QRICH2: variants seen among roughly 807,000 people sequenced by gnomAD.
QRICH2 encodes glutamine-rich protein 2.
A neutral mutation model predicts 168.3 loss-of-function variants in QRICH2; 119 were observed. The observed-to-expected ratio is 0.71, with a 90% confidence interval of 0.61 to 0.82. The LOEUF (loss-of-function observed/expected upper bound fraction) is 0.82, where lower values mean the gene tolerates loss of function less well. QRICH2 is among the 40% of genes least tolerant of loss of function. The pLI, the probability that QRICH2 is intolerant of heterozygous loss-of-function variation, is 0.00. For synonymous variants in QRICH2, 894 were observed against 951.2 expected, an observed-to-expected ratio of 0.94 and a Z score of 1.11; for missense variants, 2,241 against 2,491.6, an observed-to-expected ratio of 0.90 and a Z score of 2.14.
At chr17:76,290,994 C>T (rs776485337) in intron 4 of QRICH2, 21 bp downstream of exon 4, 1 of 1,603,654 alleles carries the variant, frequency 6.2e-7, no homozygotes, top group Non-Finnish European at 8.5e-7. Context: ...GGTTTCTCCT[C>T]TATCGGCAAG....
rs2071004075 is a variant in QRICH2 at position 76,307,246 on chromosome 17, TTC to T, written c.534+217_534+218del. On this transcript the variant is annotated intron_variant, in intron 1 of 18. Transcript: ENST00000680821. This position sits in a 1 kb window ranked among gnomAD's most constrained non-coding sequence, Gnocchi z 5.3. ...GGAGGCCCTAGGCCTTTTGGTGGCG[TTC>T]TTTTAGGATTTTCACGTCTTGCAGC... is the stretch of plus-strand genomic sequence containing the variant. 6.6e-6 allele frequency among the ~76,000 whole-genome samples: 1 copy of T among 151,864 alleles called. No homozygotes were observed. Among genetic ancestry groups the T allele is most frequent in the Non-Finnish European group, 1.5e-5 (1 of 67,948 alleles).
At chr17:76,309,224 C>T (rs1218307474), upstream of QRICH2, among the ~76,000 whole-genome samples, 2 of 150,260 alleles carry the variant, frequency 1.3e-5, no homozygotes, top group East Asian at 2.0e-4. Flanking sequence ...GGCATGGTAC[C>T]GCGCATCTGT....
rs750786562 is a variant in QRICH2, at chr17:76,275,906, G to A, written c.5395C>T (p.His1799Tyr). Residue 1799 changes from histidine (H) to tyrosine (Y), a missense_variant, in exon 18 of 19, where the codon CAC (histidine) becomes TAC (tyrosine). Physicochemically the swap from His to Tyr is moderately conservative, Grantham distance 83. This residue lies in a region of QRICH2 where 189 missense variants were observed against 169.3 expected (regional missense o/e 1.12). Coordinates refer to ENST00000680821, the MANE Select transcript of QRICH2 (RefSeq NM_001388453.1). Reference protein sequence around the residue: ...SKRKSQQPRPHVHRPPSLSSN... With the variant: ...SKRKSQQPRPYVHRPPSLSSN... ...CTGAGGGATGGCGGCCTGTGCACGT[G>A]GGGCCTGGGCTGCTGGGACTTGCGC... The A allele has an allele frequency of 1.9e-6, 3 of 1,608,998 alleles. No individual in the cohort carries two copies. The African/African-American group carries it at 4.0e-5, about 21-fold the overall frequency.
rs756971701 is a variant in QRICH2 at position 76,307,489 on chromosome 17, G to A, written c.510C>T (p.Ala170=). ...RVRTGSIMKD[A]AEELSFARVL... ...CCCTGGCAAAGCTGAGCTCCTCGGC[G>A]GCGTCCTTCATGATACTCCCAGTCC... The change falls in exon 1 of 19, where the codon GCC becomes GCT. Residue 170 remains alanine, a synonymous_variant. Coordinates refer to ENST00000680821, the MANE Select transcript of QRICH2 (RefSeq NM_001388453.1). This position sits in a 1 kb window ranked among gnomAD's most constrained non-coding sequence, Gnocchi z 5.3. The A allele has an allele frequency of 3.1e-6, 5 of 1,613,684 alleles. No homozygotes were observed. The highest frequency in any genetic ancestry group is 2.2e-5 in the East Asian group (1 of 44,872).
At chr17:76,282,230 T>G (rs1216440167) in intron 7 of QRICH2, 115 bp from the exon 8 acceptor site, 3 of 1,312,970 alleles carry the variant, frequency 2.3e-6, no homozygotes, top group Non-Finnish European at 3.1e-6. Flanking sequence ...CCCTGGGCAG[T>G]TGCTGCATCC....
At position 76,291,509 on chromosome 17, in the gene QRICH2, G is replaced by A. The variant is rs1402015622; in HGVS notation, c.3218C>T (p.Pro1073Leu). The A allele has an allele frequency of 1.2e-6, 2 of 1,613,904 alleles. No homozygotes were observed. The highest frequency in any genetic ancestry group is 1.3e-5 in the African/African-American group (1 of 74,900). The stretch of plus-strand genomic sequence containing the variant: ...AGGTGATGCCACATGCTGTTGATCT[G>A]GGTGTGTAGATCCCAAACCTGTACT... ...PLSTGLGSTH[P>L]DQQHVASPGP... Residue 1073 changes from proline to leucine, a missense_variant, in exon 4 of 19, where the codon CCA becomes CTA. Transcript: ENST00000680821.
Position 76,278,154 on chromosome 17 carries a change from A to G in QRICH2, c.4952T>C (p.Leu1651Pro), listed in dbSNP as rs754928981. 4 of 1,610,706 alleles carry G rather than the reference A, an allele frequency of 2.5e-6. No homozygotes were observed. In the South Asian group the frequency reaches 4.4e-5, roughly 18 times the overall value. ...CCCCACGCTCTGCTCCATCTGCGCCAGGTCACCCCGAGGGAAGGCGCTGCC... is the reference window on the plus strand; with the variant it reads ...CCCCACGCTCTGCTCCATCTGCGCCGGGTCACCCCGAGGGAAGGCGCTGCC... ...KLGSAFPRGD[L>P]AQMEQSVGRL... The change falls in exon 15 of 19, where the codon CTG (leucine) becomes CCG (proline). Residue 1651 changes from leucine (L) to proline (P), a missense_variant. By Grantham distance (98) the Leu-to-Pro change is moderately conservative. Transcript: ENST00000680821.
chr17:76,294,756 T>C (rs1235596118), intron 3 of QRICH2, among the ~76,000 whole-genome samples: 1 of 147,110 alleles, frequency 6.8e-6, no homozygotes, highest in Non-Finnish European at 1.5e-5. Context: ...GAGGTTGCAG[T>C]GAGCCGAGAT....
chr17:76,277,722 ACACT>A (rs1192165821), intron 15 of QRICH2, among the ~76,000 whole-genome samples: 8 of 151,888 alleles, frequency 5.3e-5, no homozygotes, highest in Admixed American at 1.3e-4. Context: ...TCAAACACCC[ACACT>A]CACGCACTCA....
chr17:76,281,258 A>G lies in QRICH2; in HGVS notation c.4264-305T>C, dbSNP rs36125214. ...GCCCTTTCTGGGTGTCCACCCCCAC[A>G]GGACACAAGCGTCAGTCACCTACAT... is the stretch of plus-strand genomic sequence containing the variant. On this transcript the variant is annotated intron_variant, in intron 8 of 18. Transcript: ENST00000680821. This position sits in a 1 kb window ranked among gnomAD's most constrained non-coding sequence, Gnocchi z 4.4. Among the ~76,000 whole-genome samples the G allele has an allele frequency of 0.053, 8,051 of 152,286 alleles. 284 individuals carry two copies. The highest frequency in any genetic ancestry group is 0.083 in the Non-Finnish European group (5,657 of 67,992).
rs1326180576 is a variant in QRICH2 at position 76,293,571 on chromosome 17, T to G, written c.1156A>C (p.Arg386=). Residue 386 remains arginine (R), a synonymous_variant, in exon 4 of 19, where the codon AGG becomes CGG. Transcript: ENST00000680821. The part of the protein sequence containing the change: ...VPASQSQVHL[R]PDRRGLEPTG... Reference sequence around the variant, plus strand: ...GGTTCTAACCCACGACGATCTGGCCTTAGATGGACCTGACTCTGGCTAGCG... The same window carrying G: ...GGTTCTAACCCACGACGATCTGGCCGTAGATGGACCTGACTCTGGCTAGCG... The G allele has an allele frequency of 1.2e-6, 2 of 1,614,188 alleles. No homozygotes were observed. Among genetic ancestry groups the G allele is most frequent in the Admixed American group, 1.7e-5 (1 of 60,002 alleles).
chr17:76,277,270 G>T lies in QRICH2; in HGVS notation c.5158C>A (p.Arg1720=). Residue 1720 remains arginine, a synonymous_variant, in exon 16 of 19, where the codon CGG becomes AGG. Transcript: ENST00000680821. ...AGGGTGTGGCTGCCCCCGCAGCGCC[G>T]GGGCACAGTTGAGTAGGTGTAATCA... The part of the protein sequence containing the change: ...MADYTYSTVP[R]RCGGSHTLTY... 1 of 1,602,852 alleles carries T rather than the reference G, an allele frequency of 6.2e-7. No individual in the cohort carries two copies. The highest frequency in any genetic ancestry group is 1.1e-5 in the South Asian group (1 of 89,440).
At chr17:76,305,010 C>T (rs1286946867) in intron 1 of QRICH2, 69 bp from the exon 2 acceptor site, 2 of 975,938 alleles carry the variant, frequency 2.0e-6, no homozygotes, top group Non-Finnish European at 3.3e-6. Context: ...TGCACACACA[C>T]ACAGATGCGC....
rs780708488 is a variant in QRICH2, at chr17:76,291,801, C to G, written c.2926G>C (p.Ala976Pro). 6.2e-7 allele frequency: 1 copy of G among 1,614,068 alleles called. No individual in the cohort carries two copies. Among genetic ancestry groups the G allele is most frequent in the Admixed American group, 1.7e-5 (1 of 59,984 alleles). The change falls in exon 4 of 19, where the codon GCA becomes CCA. Residue 976 changes from alanine (A) to proline (P), a missense_variant. Transcript: ENST00000680821. ...MDQYGLRQPGAYQPGLIAPGT... is the reference protein window; with the variant it reads ...MDQYGLRQPGPYQPGLIAPGT... ...GGTGCTATCAAGCCTGGCTGATATGCACCAGGTTGTCTCAAACCATACTGA... is the reference window on the plus strand; with the variant it reads ...GGTGCTATCAAGCCTGGCTGATATGGACCAGGTTGTCTCAAACCATACTGA...
At chr17:76,274,756 TG>T (rs1452508246) in intron 18 of QRICH2, among the ~76,000 whole-genome samples, 4 of 152,162 alleles carry the variant, frequency 2.6e-5, no homozygotes, top group African/African-American at 9.7e-5. Flanking sequence ...GCACAGCCTC[TG>T]GGCCAGAGGG....
chr17:76,298,760 C>T (rs1247616665), intron 3 of QRICH2, among the ~76,000 whole-genome samples: 1 of 151,998 alleles, frequency 6.6e-6, no homozygotes, highest in East Asian at 1.9e-4. Context: ...GGATTACAGG[C>T]GCATGCCACC....
At chr17:76,299,694 G>A (rs184120940) in intron 3 of QRICH2, among the ~76,000 whole-genome samples, 282 of 151,904 alleles carry the variant, frequency 1.9e-3, no homozygotes, top group Non-Finnish European at 2.9e-3. Flanking sequence ...CCAAGATTGC[G>A]CCACTGCACT....
chr17:76,277,810 A>C (rs2143132814), intron 15 of QRICH2, among the ~76,000 whole-genome samples, 179 bp downstream of exon 15: 1 of 152,014 alleles, frequency 6.6e-6, no homozygotes. Flanking sequence ...ACACCCATAG[A>C]CACATGGCTT....
chr17:76,275,679 C>T (rs2070661624), intron 18 of QRICH2, 140 bp downstream of exon 18: 3 of 1,116,820 alleles, frequency 2.7e-6, no homozygotes, highest in Non-Finnish European at 2.5e-6. Flanking sequence ...CTCGGGGTTC[C>T]TCTTTTCCAC....
Sources: allele counts gnomAD v4.1 joint callset (sites outside exome capture counted in the v4.1 genomes callset), GRCh38; gene constraint gnomAD v4.1.1; regional missense constraint gnomAD v4.1.1; non-coding constraint Gnocchi (gnomAD v3.1); transcripts MANE v1.5; gene names NCBI Gene and HGNC (gene_info 2026-07-23, HGNC 2026-07-21).